Variants in KAZN observed in about 807,000 individuals in gnomAD.
KAZN encodes the protein kazrin.
Under a neutral mutation model 87.4 loss-of-function variants are expected in KAZN, and 40 were observed. That is an observed-to-expected ratio of 0.46 (90% CI 0.36 to 0.60). The LOEUF (loss-of-function observed/expected upper bound fraction) is 0.60. Among genes scored for constraint, KAZN ranks in the 20% least tolerant of loss-of-function variants. The pLI is 0.00. For synonymous variants in KAZN, 466 were observed against 458.3 expected (o/e 1.02, Z -0.22); for missense variants, 898 against 1,073.9 (o/e 0.84, Z 2.29).
intron 2 of KAZN, among the ~76,000 whole-genome samples, chr1:14,561,596 A>G (rs1021442744): frequency 1.3e-5 from 2 of 152,108 alleles, no homozygotes; most frequent in African/African-American, 4.8e-5. Flanking sequence ...GGAGACAACC[A>G]TAGTCCTCCC....
chr1:15,063,436 C>A, intron 6 of KAZN, 136 bp from the exon 7 acceptor site: 1 of 730,050 alleles, frequency 1.4e-6, no homozygotes, highest in Non-Finnish European at 2.5e-6. Context: ...GGGGGGTGGG[C>A]TCCCCACTGC....
intron 1 of KAZN, among the ~76,000 whole-genome samples, chr1:14,934,332 G>C (rs997959707): frequency 6.6e-6 from 1 of 151,000 alleles, no homozygotes; most frequent in African/African-American, 2.4e-5. Flanking sequence ...TCAGCCTCCC[G>C]AGTAGCTGGG....
intron 2 of KAZN, among the ~76,000 whole-genome samples, chr1:14,474,769 C>T (rs1436097992): frequency 2.0e-5 from 3 of 151,984 alleles, no homozygotes; most frequent in Non-Finnish European, 4.4e-5. Flanking sequence ...GTCATCCAGC[C>T]AAGAGTGGGA....
At chr1:13,988,110 G>T (rs553766832) in intron 1 of KAZN, among the ~76,000 whole-genome samples, 1 of 152,204 alleles carries the variant, frequency 6.6e-6, no homozygotes, top group South Asian at 2.1e-4. Context: ...GTTGCACTGG[G>T]GATTAGGTGT....
chr1:14,998,022 G>A (rs1668070997), intron 2 of KAZN, among the ~76,000 whole-genome samples: 2 of 152,136 alleles, frequency 1.3e-5, no homozygotes, highest in East Asian at 1.9e-4. Flanking sequence ...GGTTTTAATC[G>A]TGTTTGGTTT....
At chr1:13,997,726 G>A (rs1639590902) in intron 1 of KAZN, among the ~76,000 whole-genome samples, 1 of 152,086 alleles carries the variant, frequency 6.6e-6, no homozygotes, top group African/African-American at 2.4e-5. Context: ...TTCATAAAAA[G>A]ACCAAACCTG....
intron 2 of KAZN, among the ~76,000 whole-genome samples, chr1:14,404,315 A>G (rs1663660503): frequency 6.6e-6 from 1 of 152,180 alleles, no homozygotes; most frequent in South Asian, 2.1e-4. Context: ...CAAGCTTCCA[A>G]CTTGCTTATC....
At chr1:14,885,020 G>A (rs1397923781) in intron 1 of KAZN, among the ~76,000 whole-genome samples, 1 of 152,188 alleles carries the variant, frequency 6.6e-6, no homozygotes, top group Non-Finnish European at 1.5e-5. Flanking sequence ...GGGAAAGGAG[G>A]ACACTATTGT....
chr1:14,407,130 A>G (rs1280633706), intron 2 of KAZN, among the ~76,000 whole-genome samples: 2 of 152,154 alleles, frequency 1.3e-5, no homozygotes, highest in Admixed American at 6.5e-5. Context: ...TTGTATTCAG[A>G]TATTACTGAG....
intron 2 of KAZN, among the ~76,000 whole-genome samples, chr1:14,234,642 G>GCAA (rs1648226994): frequency 6.6e-6 from 1 of 152,148 alleles, no homozygotes; most frequent in African/African-American, 2.4e-5. Flanking sequence ...TGCAAGGTGT[G>GCAA]GGGGTGGTGG....
intron 1 of KAZN, among the ~76,000 whole-genome samples, chr1:14,871,232 C>T (rs1349787946): frequency 6.6e-6 from 1 of 152,180 alleles, no homozygotes; most frequent in Non-Finnish European, 1.5e-5. Context: ...GCAGACCTCT[C>T]CTTCCTAGGT....
At chr1:14,091,485 T>C (rs188099350) in intron 1 of KAZN, among the ~76,000 whole-genome samples, 3 of 152,258 alleles carry the variant, frequency 2.0e-5, no homozygotes, top group East Asian at 1.9e-4. Flanking sequence ...GGAAGGTAAA[T>C]TTTGTCTTGA....
intron 2 of KAZN, among the ~76,000 whole-genome samples, chr1:14,520,630 A>G (rs187954575): frequency 6.6e-6 from 1 of 152,342 alleles, no homozygotes; most frequent in African/African-American, 2.4e-5. Flanking sequence ...AGCCCAGGCA[A>G]GAGCTCAGCA....
At chr1:14,332,555 G>T (rs1313819088) in intron 2 of KAZN, among the ~76,000 whole-genome samples, 1 of 152,134 alleles carries the variant, frequency 6.6e-6, no homozygotes, top group Non-Finnish European at 1.5e-5. Context: ...TTATGGAGTT[G>T]TTTTATTTTT....
chr1:14,463,848 G>A (rs4462131), intron 2 of KAZN, among the ~76,000 whole-genome samples: 32,354 of 152,100 alleles, frequency 0.21, 3,682 homozygotes, highest in Middle Eastern at 0.27. Flanking sequence ...ATGAAGCCCT[G>A]GTGTGGAGTC....
intron 1 of KAZN, among the ~76,000 whole-genome samples, chr1:13,943,743 C>G (rs949927225): frequency 6.6e-6 from 1 of 151,812 alleles, no homozygotes; most frequent in East Asian, 1.9e-4. Context: ...AAAAAAGAAG[C>G]CTATATGGTA....
chr1:14,659,744 C>T (rs1244629282), intron 1 of KAZN, among the ~76,000 whole-genome samples: 1 of 152,102 alleles, frequency 6.6e-6, no homozygotes, highest in African/African-American at 2.4e-5. Flanking sequence ...GGCCCTACAA[C>T]AAGGCAATTT....
intron 1 of KAZN, among the ~76,000 whole-genome samples, chr1:14,881,943 A>G (rs1572717888): frequency 6.6e-6 from 1 of 151,596 alleles, no homozygotes; most frequent in African/African-American, 2.4e-5. Context: ...CCTGTTCTCT[A>G]CTCCTCCTGT....
chr1:14,879,185 G>T (rs1653068728), intron 1 of KAZN, among the ~76,000 whole-genome samples: 1 of 152,180 alleles, frequency 6.6e-6, no homozygotes, highest in Non-Finnish European at 1.5e-5. Flanking sequence ...CTGACCTTGT[G>T]CTGGTCACCT....
Sources: gnomAD v4.1 joint callset for allele counts (sites outside exome capture counted in the v4.1 genomes callset) on GRCh38, gnomAD v4.1.1 for gene constraint, MANE v1.5 for transcripts, NCBI Gene and HGNC (gene_info 2026-07-23, HGNC 2026-07-21) for gene names.